ABCF2: variants seen among roughly 807,000 people sequenced by gnomAD.
The protein encoded by ABCF2 is ATP-binding cassette sub-family F member 2.
A neutral mutation model predicts 76.9 loss-of-function variants in ABCF2; 37 were observed. That is an observed-to-expected ratio of 0.48 (90% CI 0.37 to 0.63). ABCF2 has a LOEUF of 0.63. Among genes scored for constraint, ABCF2 ranks in the 30% least tolerant of loss-of-function variants. ABCF2 has a pLI of 0.00. For missense variants in ABCF2, 524 were observed against 782.1 expected (o/e 0.67, Z 3.94); for synonymous variants, 299 against 283.7 (o/e 1.05, Z -0.54).
In ABCF2 at chr7:151,221,737, C is replaced by A. The variant is rs1683266344; in HGVS notation, c.819-57G>T. 5.4e-6 allele frequency: 7 copies of A among 1,305,238 alleles called. No individual in the cohort carries two copies. In the Admixed American group the frequency reaches 1.0e-4, roughly 19 times the overall value. The allele number at this position is 1,305,238 out of a possible 1,614,324, so 80.9% of individuals were successfully genotyped here. ...CTCAACCATGGGAGCTAGCTGACAACAGGTGAACTGAAAGTCAGGCCCATC... is the reference window on the plus strand; with the variant it reads ...CTCAACCATGGGAGCTAGCTGACAAAAGGTGAACTGAAAGTCAGGCCCATC... On this transcript the variant is annotated intron_variant, in intron 6 of 14. Transcript: ENST00000287844.
In ABCF2 at chr7:151,221,593, T is replaced by C. The variant is rs1417749782; in HGVS notation, c.906A>G (p.Lys302=). The C allele has an allele frequency of 2.5e-6, 4 of 1,598,524 alleles. No individual in the cohort carries two copies. The highest frequency in any genetic ancestry group is 8.6e-7 in the Non-Finnish European group (1 of 1,166,100). Residue 302 remains lysine (K), a synonymous_variant, in exon 7 of 15, where the codon AAA becomes AAG. Transcript: ENST00000287844. ...GCCCACTCACCGTATAATACTTCAG[T>C]TTCTTGTTGTGCATGTGAATGATAT... ...CTNIIHMHNK[K]LKYYTGNYDQ...
rs1475595701 is a variant in ABCF2 at position 151,215,082 on chromosome 7, C to T, written c.1531G>A (p.Val511Met). Residue 511 changes from valine to methionine, a missense_variant and splice_region_variant, in exon 14 of 15, where the codon GTG becomes ATG. Val to Met is a conservative substitution (Grantham distance 21, BLOSUM62 1). Transcript: ENST00000287844. The surrounding 1 kb of genome is among the most constrained non-coding windows in gnomAD (Gnocchi z 4.6). ...GRYGLTGKQQ[V>M]SPIRNLSDGQ... ...TCTGACAAGTTCCGGATTGGGCTCA[C>T]CTGAGTAGAACCGTGACCTACATAT... The T allele has an allele frequency of 8.1e-6, 13 of 1,612,436 alleles. No homozygotes were observed. Among genetic ancestry groups the T allele is most frequent in the Non-Finnish European group, 1.1e-5 (13 of 1,179,204 alleles).
At chr7:151,224,289 C>A (rs1226293256) in intron 3 of ABCF2, among the ~76,000 whole-genome samples, 175 bp from the exon 4 acceptor site, 1 of 151,848 alleles carries the variant, frequency 6.6e-6, no homozygotes. Flanking sequence ...TCCTTTCTAA[C>A]TTTCCTCCAA....
Position 151,213,950 on chromosome 7 carries a change from A to G in ABCF2, c.*104T>C. The G allele has an allele frequency of 6.5e-7, 1 of 1,535,814 alleles. No individual in the cohort carries two copies. Among genetic ancestry groups the G allele is most frequent in the Non-Finnish European group, 8.7e-7 (1 of 1,149,586 alleles). On this transcript the variant is annotated 3_prime_UTR_variant, in exon 15 of 15. Transcript: ENST00000287844. The stretch of plus-strand genomic sequence containing the variant: ...GGAGAGGCTGGGGGAGCAGTATTGC[A>G]GCAATGCAGGAGTGTAGCCCCAGGG...
At position 151,223,716 on chromosome 7, in the gene ABCF2, G is replaced by A. The variant is rs753227167; in HGVS notation, c.684C>T (p.Asp228=). 48 of 1,609,866 alleles carry A rather than the reference G, an allele frequency of 3.0e-5. No homozygotes were observed. The highest frequency in any genetic ancestry group is 5.0e-5 in the Admixed American group (3 of 59,826). Reference sequence around the variant, plus strand: ...CCCTCATCCTCCAGCCCCCACTGAAGTCTTTTAGCTTCTTGCGCTGCATGG... The same window carrying A: ...CCCTCATCCTCCAGCCCCCACTGAAATCTTTTAGCTTCTTGCGCTGCATGG... The part of the protein sequence containing the change: ...TPAMQRKKLK[D]FSGGWRMRVA... The change falls in exon 5 of 15, where the codon GAC becomes GAT. Residue 228 remains aspartate, a synonymous_variant. Coordinates refer to ENST00000287844, the MANE Select transcript of ABCF2 (RefSeq NM_007189.3).
chr7:151,214,209 G>A lies in ABCF2; in HGVS notation c.1735-18C>T, dbSNP rs1451266572. ...TGTGCAACCTAGAAAGCAAAACCTGGACTTAATCCTGGGCTAGTCACTGTC... is the reference window on the plus strand; with the variant it reads ...TGTGCAACCTAGAAAGCAAAACCTGAACTTAATCCTGGGCTAGTCACTGTC... On this transcript the variant is annotated intron_variant, in intron 14 of 14. Transcript: ENST00000287844. This position sits in a 1 kb window ranked among gnomAD's most constrained non-coding sequence, Gnocchi z 4.9. 2.4e-5 allele frequency: 39 copies of A among 1,613,940 alleles called. No individual in the cohort carries two copies. Among genetic ancestry groups the A allele is most frequent in the Non-Finnish European group, 3.1e-5 (37 of 1,180,008 alleles).
Position 151,218,805 on chromosome 7 carries a change from C to G in ABCF2, c.1086G>C (p.Thr362=). The change falls in exon 9 of 15, where the codon ACG becomes ACC. Residue 362 remains threonine, a synonymous_variant. Coordinates refer to ENST00000287844, the MANE Select transcript of ABCF2 (RefSeq NM_007189.3). ...GTCCTGATGCCATCATTTTCTGTAG[C>G]GTCTTCTCCTTGCTCTGGGCCTGCC... ...LARQAQSKEK[T]LQKMMASGLT... is the part of the protein sequence containing the mutation. 6.2e-7 allele frequency: 1 copy of G among 1,613,670 alleles called. No homozygotes were observed. The highest frequency in any genetic ancestry group is 1.3e-5 in the African/African-American group (1 of 74,856).
Position 151,215,139 on chromosome 7 carries a change from C to T in ABCF2, c.1531-57G>A. 1.4e-6 allele frequency: 2 copies of T among 1,473,134 alleles called. No individual in the cohort carries two copies. The highest frequency in any genetic ancestry group is 1.9e-6 in the Non-Finnish European group (2 of 1,071,788). 91.3% of individuals were successfully genotyped at this position (1,473,134 alleles called of 1,614,324 possible). A position where few individuals can be genotyped will look rare whatever the true frequency, so the allele number is the denominator to read the frequency against. On this transcript the variant is annotated intron_variant, in intron 13 of 14. Transcript: ENST00000287844. This position sits in a 1 kb window ranked among gnomAD's most constrained non-coding sequence, Gnocchi z 4.6. ...GCATTATCCCCGCCAAACAGCACAGCTCATCTCTCCCTCATTTCTCCCTGA... is the reference window on the plus strand; with the variant it reads ...GCATTATCCCCGCCAAACAGCACAGTTCATCTCTCCCTCATTTCTCCCTGA...
chr7:151,217,498 C>G (rs1802173953), intron 11 of ABCF2, among the ~76,000 whole-genome samples: 2 of 152,198 alleles, frequency 1.3e-5, no homozygotes, highest in Admixed American at 6.5e-5. Flanking sequence ...TCTAAATGCT[C>G]TGATTGAAAA....
intron 11 of ABCF2, among the ~76,000 whole-genome samples, chr7:151,216,294 C>G (rs1245228087): frequency 6.6e-6 from 1 of 152,178 alleles, no homozygotes; most frequent in Non-Finnish European, 1.5e-5. Flanking sequence ...TAACAAAGGA[C>G]TTGGATGTAG....
At chr7:151,225,087 A>G in intron 2 of ABCF2, 99 bp from the exon 3 acceptor site, 1 of 1,079,616 alleles carries the variant, frequency 9.3e-7, no homozygotes, top group East Asian at 2.4e-5. Flanking sequence ...CCTGCTGAGC[A>G]CTCAGATGTT....
Position 151,211,510 on chromosome 7 carries a change from A to C in ABCF2, c.*2544T>G, listed in dbSNP as rs1435992999. ...AATTTTAGAAATATGTATTTTGTGGACTTTTAAAGCATTATTTAAATTACC... is the reference window on the plus strand; with the variant it reads ...AATTTTAGAAATATGTATTTTGTGGCCTTTTAAAGCATTATTTAAATTACC... On this transcript the variant is annotated 3_prime_UTR_variant, in exon 15 of 15. Coordinates refer to ENST00000287844, the MANE Select transcript of ABCF2 (RefSeq NM_007189.3). 1.0e-6 allele frequency: 1 copy of C among 982,764 alleles called. No homozygotes were observed. The highest frequency in any genetic ancestry group is 1.7e-5 in the African/African-American group (1 of 57,302). 60.9% of individuals were successfully genotyped at this position (982,764 alleles called of 1,614,324 possible). A position where few individuals can be genotyped will look rare whatever the true frequency, so the allele number is the denominator to read the frequency against.
In ABCF2 at chr7:151,213,356, GAAGTA is replaced by G. The variant is rs1193571025; in HGVS notation, c.*693_*697del. 14 of 985,292 alleles carry G rather than the reference GAAGTA, an allele frequency of 1.4e-5. No homozygotes were observed. Among genetic ancestry groups the G allele is most frequent in the Non-Finnish European group, 9.6e-6 (8 of 829,936 alleles). The allele number at this position is 985,292 out of a possible 1,614,324, so 61.0% of individuals were successfully genotyped here. A position where few individuals can be genotyped will look rare whatever the true frequency, so the allele number is the denominator to read the frequency against. ...TGAGAAAAGGTACAATTTCAAATCA[GAAGTA>G]AAGGGACAAAGTTCTTCCAGCTCCT... On this transcript the variant is annotated 3_prime_UTR_variant, in exon 15 of 15. Coordinates refer to ENST00000287844, the MANE Select transcript of ABCF2 (RefSeq NM_007189.3).
chr7:151,211,985 G>A lies in ABCF2; in HGVS notation c.*2069C>T, dbSNP rs924873626. The stretch of plus-strand genomic sequence containing the variant: ...GAGAGCACACCAATTCCACCTTTCT[G>A]GGCAGCTACTCACAAGAAATTTCCC... On this transcript the variant is annotated 3_prime_UTR_variant, in exon 15 of 15. Coordinates refer to ENST00000287844, the MANE Select transcript of ABCF2 (RefSeq NM_007189.3). 1.0e-6 allele frequency: 1 copy of A among 976,640 alleles called. No homozygotes were observed. Among genetic ancestry groups the A allele is most frequent in the African/African-American group, 1.8e-5 (1 of 57,002 alleles). 60.5% of individuals were successfully genotyped at this position (976,640 alleles called of 1,614,324 possible). A position where few individuals can be genotyped will look rare whatever the true frequency, so the allele number is the denominator to read the frequency against.
rs140336738 is a variant in ABCF2, at chr7:151,219,073, T to A, written c.1008A>T (p.Ala336=). Reference sequence around the variant, plus strand: ...TCTGCAGTCTCCCTACCTTCATGTGTGCAATCTGATCTTGCTCCCAGTGAA... The same window carrying A: ...TCTGCAGTCTCCCTACCTTCATGTGAGCAATCTGATCTTGCTCCCAGTGAA... ...KRFHWEQDQI[A]HMKNYIARFG... Residue 336 remains alanine, a synonymous_variant, in exon 8 of 15, where the codon GCA becomes GCT. Transcript: ENST00000287844. 5 of 1,613,950 alleles carry A rather than the reference T, an allele frequency of 3.1e-6. No individual in the cohort carries two copies. In the African/African-American group the frequency reaches 6.7e-5, roughly 22 times the overall value.
In ABCF2 at chr7:151,212,304, A is replaced by AG; in HGVS notation, c.*1749dup. 2.0e-6 allele frequency: 2 copies of AG among 981,930 alleles called. No homozygotes were observed. Among genetic ancestry groups the AG allele is most frequent in the South Asian group, 9.4e-5 (2 of 21,288 alleles). The allele number at this position is 981,930 out of a possible 1,614,324, so 60.8% of individuals were successfully genotyped here. A position where few individuals can be genotyped will look rare whatever the true frequency, so the allele number is the denominator to read the frequency against. ...TTCAAAAGACCCAGATAAGGTATGC[A>AG]GAGCCCTGGGCTGGAAGTGAATTCA... On this transcript the variant is annotated 3_prime_UTR_variant, in exon 15 of 15. Transcript: ENST00000287844.
rs572601241 is a variant in ABCF2, at chr7:151,218,458, C to T, written c.1227+103G>A. The T allele has an allele frequency of 1.5e-4, 161 of 1,040,004 alleles. No homozygotes were observed. In the South Asian group the frequency reaches 2.1e-3, roughly 13 times the overall value. 64.4% of individuals were successfully genotyped at this position (1,040,004 alleles called of 1,614,324 possible). ...CCACACCTGAAAATCCCCCAGAGCACGTGGGCTAGCAGGTGTGGTCAGCAC... is the reference window on the plus strand; with the variant it reads ...CCACACCTGAAAATCCCCCAGAGCATGTGGGCTAGCAGGTGTGGTCAGCAC... On this transcript the variant is annotated intron_variant, in intron 10 of 14. Coordinates refer to ENST00000287844, the MANE Select transcript of ABCF2 (RefSeq NM_007189.3).
At position 151,215,964 on chromosome 7, in the gene ABCF2, T is replaced by C; in HGVS notation, c.1401+3A>G. 1.2e-6 allele frequency: 2 copies of C among 1,612,600 alleles called. No homozygotes were observed. The highest frequency in any genetic ancestry group is 1.7e-6 in the Non-Finnish European group (2 of 1,178,680). On this transcript the variant is annotated splice_donor_region_variant and intron_variant, in intron 12 of 14. Transcript: ENST00000287844. This position sits in a 1 kb window ranked among gnomAD's most constrained non-coding sequence, Gnocchi z 4.6. ...TCCCCGGATCCCAACCCCAGGCCTG[T>C]ACCTGATGGTAACGCCCTATCTTGA...
chr7:151,212,590 G>A lies in ABCF2; in HGVS notation c.*1464C>T. On this transcript the variant is annotated 3_prime_UTR_variant, in exon 15 of 15. Coordinates refer to ENST00000287844, the MANE Select transcript of ABCF2 (RefSeq NM_007189.3). ...CTGCTCACTGCAGCCTCAACCTCCT[G>A]GGCTCAAGTGAGCCTCCTCTTATCA... The A allele has an allele frequency of 1.4e-6, 1 of 711,148 alleles. No individual in the cohort carries two copies. Among genetic ancestry groups the A allele is most frequent in the Non-Finnish European group, 1.7e-6 (1 of 579,734 alleles). The allele number at this position is 711,148 out of a possible 1,614,324, so 44.1% of individuals were successfully genotyped here.
Sources: gnomAD v4.1 joint callset for allele counts (sites outside exome capture counted in the v4.1 genomes callset) on GRCh38, gnomAD v4.1.1 for gene constraint, Gnocchi (gnomAD v3.1) non-coding constraint, MANE v1.5 for transcripts, NCBI Gene and HGNC (gene_info 2026-07-23, HGNC 2026-07-21) for gene names.